The following COMMD9 variants were observed in gnomAD, a reference collection of about 807,000 sequenced individuals.
COMMD9 encodes the protein COMM domain containing 9, also known as COMM domain-containing protein 9.
A neutral mutation model predicts 23.4 loss-of-function variants in COMMD9; 22 were observed. The observed-to-expected ratio is 0.94, with a 90% CI of 0.67 to 1.34. The LOEUF is 1.34. Among genes scored for constraint, COMMD9 ranks in the 40% most tolerant of loss-of-function variants. The pLI, the probability that COMMD9 is intolerant of heterozygous loss-of-function variation, is 0.00. For missense variants in COMMD9, 231 were observed against 240.2 expected (o/e 0.96, Z 0.25); for synonymous variants, 99 against 97.4 (o/e 1.02, Z -0.10).
intron 1 of COMMD9, among the ~76,000 whole-genome samples, chr11:36,283,854 C>T (rs1856105871): frequency 6.6e-6 from 1 of 152,164 alleles, no homozygotes. Flanking sequence ...CTTGTAATCC[C>T]ACCACTTTGC....
intron 1 of COMMD9, among the ~76,000 whole-genome samples, chr11:36,281,645 G>A (rs2133429614): frequency 6.6e-6 from 1 of 152,268 alleles, no homozygotes; most frequent in South Asian, 2.1e-4. Flanking sequence ...TAATGAGGTG[G>A]CACCCCCTTC....
At chr11:36,283,570 G>T (rs1056332170) in intron 1 of COMMD9, among the ~76,000 whole-genome samples, 27 of 152,048 alleles carry the variant, frequency 1.8e-4, no homozygotes, top group African/African-American at 5.1e-4. Context: ...AAAAAGAAAT[G>T]CACTTTAAAA....
At chr11:36,276,682 A>AG (rs551793429) in intron 4 of COMMD9, 25 of 198,136 alleles carry the variant, frequency 1.3e-4, no homozygotes, top group African/African-American at 5.8e-4. Context: ...CCTAGCTCAC[A>AG]GGGCTGAAGG....
chr11:36,282,163 C>T (rs931595793), intron 1 of COMMD9, among the ~76,000 whole-genome samples: 1 of 151,866 alleles, frequency 6.6e-6, no homozygotes, highest in Non-Finnish European at 1.5e-5. Flanking sequence ...GGGACTATAA[C>T]GAAAAACCTA....
intron 1 of COMMD9, among the ~76,000 whole-genome samples, chr11:36,283,512 G>C (rs1187808849): frequency 1.3e-5 from 2 of 152,152 alleles, no homozygotes; most frequent in Non-Finnish European, 2.9e-5. Flanking sequence ...ACTGTGATAA[G>C]TTACGTATAT....
At chr11:36,286,045 G>T (rs1309561017) in intron 1 of COMMD9, among the ~76,000 whole-genome samples, 1 of 152,006 alleles carries the variant, frequency 6.6e-6, no homozygotes, top group Non-Finnish European at 1.5e-5. Context: ...CTAAAATAAG[G>T]CAAGGAAAGG....
intron 1 of COMMD9, 104 bp downstream of exon 1, chr11:36,289,258 G>T (rs1323014082): frequency 1.5e-5 from 16 of 1,092,296 alleles, no homozygotes; most frequent in Non-Finnish European, 2.1e-5. Context: ...ACAAGCAGCA[G>T]AGTTGTGGCT....
At chr11:36,277,017 A>T (rs535142839) in intron 4 of COMMD9, 72 bp downstream of exon 4, 1 of 1,358,840 alleles carries the variant, frequency 7.4e-7, no homozygotes, top group Non-Finnish European at 1.0e-6. Context: ...AAAATCTCTG[A>T]TCACTTGGCA....
chr11:36,286,439 G>GA (rs61190360), intron 1 of COMMD9, among the ~76,000 whole-genome samples: 63,397 of 125,050 alleles, frequency 0.51, 15,445 homozygotes, highest in African/African-American at 0.56. Context: ...AGAAAGAAAA[G>GA]AAAAAAAAAA....
At chr11:36,283,454 TAA>T (rs1291495403) in intron 1 of COMMD9, among the ~76,000 whole-genome samples, 1 of 152,192 alleles carries the variant, frequency 6.6e-6, no homozygotes, top group Non-Finnish European at 1.5e-5. Context: ...TAAAGGGACG[TAA>T]AGTTTCTATA....
chr11:36,285,971 G>A (rs886214662), intron 1 of COMMD9, among the ~76,000 whole-genome samples: 1 of 152,144 alleles, frequency 6.6e-6, no homozygotes, highest in Non-Finnish European at 1.5e-5. Flanking sequence ...CCCCAAAACT[G>A]AGAACAAGGC....
intron 1 of COMMD9, among the ~76,000 whole-genome samples, chr11:36,282,378 A>G (rs559201352): frequency 1.3e-5 from 2 of 152,302 alleles, no homozygotes; most frequent in South Asian, 2.1e-4. Context: ...AATGAAAGAC[A>G]AAGAAAAAAA....
intron 4 of COMMD9, 151 bp downstream of exon 4, chr11:36,276,938 A>C (rs182638038): frequency 2.1e-6 from 1 of 471,624 alleles, no homozygotes; most frequent in African/African-American, 2.0e-5. Flanking sequence ...TAAAAAGTAG[A>C]ATTAGGGAAA....
chr11:36,287,635 T>C (rs1435603934), intron 1 of COMMD9, among the ~76,000 whole-genome samples: 1 of 151,754 alleles, frequency 6.6e-6, no homozygotes, highest in Non-Finnish European at 1.5e-5. Flanking sequence ...GAAAAGAAAG[T>C]ACACAGGACA....
In COMMD9 at chr11:36,286,406, AAAAAAAAGAAAGAAAG is replaced by A. The variant is rs1238332098; in HGVS notation, c.51+2940_51+2955del. On this transcript the variant is annotated intron_variant, in intron 1 of 5. Coordinates refer to ENST00000263401, the MANE Select transcript of COMMD9 (RefSeq NM_014186.4). ...CTCTACTAAAAATACAAAAAAAAAA[AAAAAAAAGAAAGAAAG>A]AAAGAAAGAAAGAAAAGAAAAAAAA... is the stretch of plus-strand genomic sequence containing the variant. Among the ~76,000 whole-genome samples the A allele has an allele frequency of 2.0e-4, 17 of 87,080 alleles. No homozygotes were observed. The East Asian group carries it at 5.0e-3, about 26-fold the overall frequency. 57.1% of individuals were successfully genotyped at this position (87,080 alleles called of 152,430 possible).
intron 1 of COMMD9, among the ~76,000 whole-genome samples, chr11:36,284,866 C>T (rs1477279679): frequency 6.6e-6 from 1 of 152,146 alleles, no homozygotes; most frequent in East Asian, 1.9e-4. Context: ...ATTTGTGGTA[C>T]ACAGCCTAGC....
At position 36,280,746 on chromosome 11, in the gene COMMD9, GA is replaced by G; in HGVS notation, c.142del (p.Ser48ProfsTer5). 6.2e-7 allele frequency: 1 copy of G among 1,609,602 alleles called. No individual in the cohort carries two copies. The highest frequency in any genetic ancestry group is 1.3e-5 in the African/African-American group (1 of 74,900). On this transcript the variant is annotated frameshift_variant, in exon 2 of 6. Coordinates refer to ENST00000263401, the MANE Select transcript of COMMD9 (RefSeq NM_014186.4). LOFTEE classifies it high-confidence loss of function. ...GLKKLLDVTC[S>X]SLSVTQEEAE... ...CTCCTCCTGGGTCACAGACAAGCTG[GA>G]ACATGTAACATCCAAGAGTTTTTTC... is the stretch of plus-strand genomic sequence containing the variant.
At chr11:36,276,060 C>G (rs1370526760) in intron 5 of COMMD9, 77 bp downstream of exon 5, 3 of 1,087,766 alleles carry the variant, frequency 2.8e-6, no homozygotes, top group African/African-American at 1.5e-5. Context: ...TTAGAGATCC[C>G]AAACCTTGGA....
chr11:36,274,464 G>A lies in COMMD9; in HGVS notation c.*168C>T. 1 of 841,282 alleles carries A rather than the reference G, an allele frequency of 1.2e-6. No homozygotes were observed. The highest frequency in any genetic ancestry group is 1.7e-5 in the African/African-American group (1 of 60,538). The allele number at this position is 841,282 out of a possible 1,614,324, so 52.1% of individuals were successfully genotyped here. A position where few individuals can be genotyped will look rare whatever the true frequency, so the allele number is the denominator to read the frequency against. On this transcript the variant is annotated 3_prime_UTR_variant, in exon 6 of 6. Coordinates refer to ENST00000263401, the MANE Select transcript of COMMD9 (RefSeq NM_014186.4). ...GATGAGTGAGAACAGCGGGGGATCT[G>A]GCTGCTTCTTCCCAATCCAACTGTA...
Sources: allele counts gnomAD v4.1 joint callset (sites outside exome capture counted in the v4.1 genomes callset), GRCh38; gene constraint gnomAD v4.1.1; transcripts MANE v1.5; gene names NCBI Gene and HGNC (gene_info 2026-07-23, HGNC 2026-07-21).